The following FGGY variants were observed in gnomAD, a reference collection of about 807,000 sequenced individuals.
FGGY encodes the protein FGGY carbohydrate kinase domain containing.
FGGY carries 72 observed loss-of-function variants against 71.3 expected under a neutral mutation model. That is an observed-to-expected ratio of 1.01 (90% CI 0.84 to 1.23). The LOEUF (loss-of-function observed/expected upper bound fraction) is 1.23. FGGY is among the 50% of genes most tolerant of loss of function. FGGY has a pLI of 0.00. For synonymous variants in FGGY, 251 were observed against 250.3 expected (o/e 1.00, Z -0.02); for missense variants, 668 against 682.3 (o/e 0.98, Z 0.23).
intron 4 of FGGY, among the ~76,000 whole-genome samples, chr1:59,373,267 C>G (rs1022062780): frequency 4.6e-5 from 7 of 152,152 alleles, no homozygotes; most frequent in Admixed American, 3.9e-4. Flanking sequence ...ACACCAATAA[C>G]AGACAAACAG....
chr1:59,350,468 C>T (rs1398520905), intron 4 of FGGY, among the ~76,000 whole-genome samples: 1 of 152,124 alleles, frequency 6.6e-6, no homozygotes, highest in African/African-American at 2.4e-5. Context: ...GAGGTTTTGC[C>T]TAGCAGAGAA....
intron 7 of FGGY, among the ~76,000 whole-genome samples, chr1:59,542,592 G>A (rs1036487586): frequency 6.6e-6 from 1 of 151,242 alleles, no homozygotes; most frequent in African/African-American, 2.4e-5. Flanking sequence ...GAGTACCTGG[G>A]ATTACAGGCA....
At chr1:59,518,807 A>G (rs2094736503) in intron 7 of FGGY, among the ~76,000 whole-genome samples, 1 of 152,178 alleles carries the variant, frequency 6.6e-6, no homozygotes, top group African/African-American at 2.4e-5. Context: ...AGCCTGCAGA[A>G]CCTTGAGCCA....
intron 5 of FGGY, among the ~76,000 whole-genome samples, chr1:59,381,137 T>C (rs1048596899): frequency 1.1e-4 from 16 of 152,328 alleles, no homozygotes; most frequent in African/African-American, 3.6e-4. Context: ...CTCTGTTCTT[T>C]TCCATTGGTC....
intron 14 of FGGY, among the ~76,000 whole-genome samples, chr1:59,713,285 CT>C (rs1218180705): frequency 6.6e-6 from 1 of 152,204 alleles, no homozygotes; most frequent in Non-Finnish European, 1.5e-5. Flanking sequence ...AAGTTCGAAA[CT>C]TTCCCACATC....
intron 6 of FGGY, among the ~76,000 whole-genome samples, chr1:59,505,201 G>T (rs574471967): frequency 1.3e-5 from 2 of 152,296 alleles, no homozygotes; most frequent in African/African-American, 4.8e-5. Flanking sequence ...ATAACTACAA[G>T]ATGGCATAAG....
intron 4 of FGGY, among the ~76,000 whole-genome samples, chr1:59,374,646 A>C (rs929215079): frequency 6.6e-6 from 1 of 152,120 alleles, no homozygotes; most frequent in African/African-American, 2.4e-5. Flanking sequence ...AAAGACTTGG[A>C]ACCAACCCAA....
At chr1:59,361,156 G>A (rs1208112273) in intron 4 of FGGY, among the ~76,000 whole-genome samples, 2 of 152,188 alleles carry the variant, frequency 1.3e-5, no homozygotes, top group Non-Finnish European at 2.9e-5. Context: ...ATATTGTGGT[G>A]CTAACAAGTT....
intron 10 of FGGY, among the ~76,000 whole-genome samples, chr1:59,634,495 C>A (rs1465904990): frequency 6.6e-6 from 1 of 152,066 alleles, no homozygotes; most frequent in Non-Finnish European, 1.5e-5. Context: ...AGAAAAGGCA[C>A]AAGTATATTT....
intron 6 of FGGY, among the ~76,000 whole-genome samples, chr1:59,505,342 C>T (rs2094350638): frequency 6.6e-6 from 1 of 152,168 alleles, no homozygotes; most frequent in African/African-American, 2.4e-5. Context: ...ACTCATTAAA[C>T]ATTTCTGTAG....
chr1:59,409,596 T>TATATATATATATA lies in FGGY; in HGVS notation c.554+30759_554+30760insATATATATATATA, dbSNP rs1557833921. ...ATTGCAAGCCTGTGAAGGAAGAGTTTTTTATATATATATATATATATATAT... is the reference window on the plus strand; with the variant it reads ...ATTGCAAGCCTGTGAAGGAAGAGTTTATATATATATATATTTATATATATATATATATATATAT... On this transcript the variant is annotated intron_variant, in intron 5 of 15. Coordinates refer to ENST00000303721, the MANE Select transcript of FGGY (RefSeq NM_018291.5). Among the ~76,000 whole-genome samples, 212 of 83,864 alleles carry TATATATATATATA rather than the reference T, an allele frequency of 2.5e-3. 1 individual carries two copies. Among genetic ancestry groups the TATATATATATATA allele is most frequent in the African/African-American group, 8.3e-3 (206 of 24,876 alleles). 55.0% of individuals were successfully genotyped at this position (83,864 alleles called of 152,430 possible).
intron 10 of FGGY, among the ~76,000 whole-genome samples, chr1:59,627,454 T>TTATATATATATATATATA (rs60500862): frequency 4.7e-4 from 46 of 97,318 alleles, no homozygotes; most frequent in African/African-American, 9.5e-4. Context: ...ACTTATGATT[T>TTATATATATATATATATA]TATATATATA....
At chr1:59,407,714 G>A (rs17119422) in intron 5 of FGGY, among the ~76,000 whole-genome samples, 29,317 of 152,060 alleles carry the variant, frequency 0.19, 3,026 homozygotes, top group East Asian at 0.36. Context: ...AAACTGGAAT[G>A]CTATACAGCA....
chr1:59,545,365 TC>T (rs2095504984), intron 7 of FGGY, among the ~76,000 whole-genome samples: 1 of 152,196 alleles, frequency 6.6e-6, no homozygotes, highest in African/African-American at 2.4e-5. Flanking sequence ...AATTTTTTTT[TC>T]TATTTTTAAT....
intron 14 of FGGY, among the ~76,000 whole-genome samples, chr1:59,735,895 G>A (rs1397862546): frequency 1.3e-5 from 2 of 152,182 alleles, no homozygotes; most frequent in African/African-American, 4.8e-5. Flanking sequence ...GCTGGGAAAA[G>A]GGAAAACACA....
chr1:59,456,513 A>G (rs1226727903), intron 5 of FGGY, among the ~76,000 whole-genome samples: 1 of 146,794 alleles, frequency 6.8e-6, no homozygotes, highest in African/African-American at 2.6e-5. Context: ...CAGTGGCACG[A>G]TCTTGGCTCA....
intron 14 of FGGY, among the ~76,000 whole-genome samples, chr1:59,717,513 C>T (rs886856350): frequency 3.3e-5 from 5 of 152,092 alleles, no homozygotes; most frequent in Admixed American, 1.3e-4. Flanking sequence ...AGGAGGAAAT[C>T]GTGTGAACCC....
intron 12 of FGGY, among the ~76,000 whole-genome samples, chr1:59,665,062 C>T (rs1255740356): frequency 2.6e-5 from 4 of 152,160 alleles, no homozygotes; most frequent in Admixed American, 6.5e-5. Context: ...CAATTCATGC[C>T]GTTAGAGCAG....
At chr1:59,564,199 T>C (rs2095839743) in intron 8 of FGGY, among the ~76,000 whole-genome samples, 1 of 152,152 alleles carries the variant, frequency 6.6e-6, no homozygotes. Context: ...TGGGATCTAA[T>C]TAAACTAAAG....
Sources: allele counts gnomAD v4.1 joint callset (sites outside exome capture counted in the v4.1 genomes callset), GRCh38; gene constraint gnomAD v4.1.1; transcripts MANE v1.5; gene names NCBI Gene and HGNC (gene_info 2026-07-23, HGNC 2026-07-21).